The following OXCT1 variants were observed in gnomAD, a reference collection of about 807,000 sequenced individuals.
OXCT1 encodes the protein succinyl-CoA:3-ketoacid coenzyme A transferase 1, mitochondrial.
A neutral mutation model predicts 69.6 loss-of-function variants in OXCT1; 27 were observed. The observed-to-expected ratio is 0.39, with a 90% CI of 0.29 to 0.54. The LOEUF is 0.54. Ranked by LOEUF, OXCT1 falls within the 20% of genes least tolerant of loss-of-function variation. The pLI is 0.72. For missense variants in OXCT1, 437 were observed against 650.2 expected, an observed-to-expected ratio of 0.67 and a Z score of 3.57; for synonymous variants, 202 against 217.8, an observed-to-expected ratio of 0.93 and a Z score of 0.64.
chr5:41,749,645 G>A (rs763750270), intron 14 of OXCT1, 38 bp from the exon 15 acceptor site: 55 of 1,308,770 alleles, frequency 4.2e-5, no homozygotes, highest in Non-Finnish European at 5.7e-5. Flanking sequence ...AGTAGTTAGG[G>A]AGCAATTTTT....
At chr5:41,754,148 A>G (rs1439259111) in intron 14 of OXCT1, among the ~76,000 whole-genome samples, 1 of 152,166 alleles carries the variant, frequency 6.6e-6, no homozygotes, top group Non-Finnish European at 1.5e-5. Context: ...GAAAAGAAGG[A>G]CTACAAGGGC....
At chr5:41,744,624 T>A (rs941712604) in intron 15 of OXCT1, among the ~76,000 whole-genome samples, 2 of 152,138 alleles carry the variant, frequency 1.3e-5, no homozygotes, top group African/African-American at 4.8e-5. Flanking sequence ...CTCTTATTAT[T>A]TTGAGATACG....
intron 13 of OXCT1, among the ~76,000 whole-genome samples, chr5:41,787,461 T>C (rs1745694729): frequency 6.6e-6 from 1 of 151,894 alleles, no homozygotes; most frequent in South Asian, 2.1e-4. Flanking sequence ...TCAGAGAGCC[T>C]GAGGCAACTA....
intron 13 of OXCT1, among the ~76,000 whole-genome samples, chr5:41,766,869 A>T (rs967224303): frequency 1.5e-4 from 23 of 152,198 alleles, no homozygotes; most frequent in African/African-American, 5.3e-4. Flanking sequence ...GCTATATGCC[A>T]TAGTAGAAAG....
chr5:41,796,584 G>A (rs1475124765), intron 11 of OXCT1, among the ~76,000 whole-genome samples: 1 of 152,128 alleles, frequency 6.6e-6, no homozygotes, highest in Non-Finnish European at 1.5e-5. Context: ...TATGGAGAAA[G>A]AGTAAGCTTA....
intron 3 of OXCT1, among the ~76,000 whole-genome samples, chr5:41,854,428 T>C (rs1374247585): frequency 1.3e-5 from 2 of 152,190 alleles, no homozygotes; most frequent in Non-Finnish European, 2.9e-5. Flanking sequence ...AAAGTCAATG[T>C]AACAAGATAG....
chr5:41,789,438 C>A (rs536509120), intron 13 of OXCT1, among the ~76,000 whole-genome samples: 105 of 152,266 alleles, frequency 6.9e-4, no homozygotes, highest in Non-Finnish European at 1.4e-3. Flanking sequence ...CAGTGCCTGA[C>A]CCTTAATATA....
chr5:41,836,038 G>C (rs533947113), intron 7 of OXCT1, among the ~76,000 whole-genome samples: 1 of 152,334 alleles, frequency 6.6e-6, no homozygotes, highest in South Asian at 2.1e-4. Flanking sequence ...GGAGTTGAGA[G>C]CTTAACACAA....
At chr5:41,804,702 A>G (rs568110776) in intron 9 of OXCT1, among the ~76,000 whole-genome samples, 2 of 152,190 alleles carry the variant, frequency 1.3e-5, no homozygotes, top group South Asian at 4.1e-4. Flanking sequence ...ATGAACAAAA[A>G]TGAGGTAGAG....
chr5:41,797,555 C>T (rs1746238872), intron 11 of OXCT1, among the ~76,000 whole-genome samples: 2 of 152,138 alleles, frequency 1.3e-5, no homozygotes, highest in African/African-American at 4.8e-5. Flanking sequence ...GATTTGTCTC[C>T]TCCAATTTTT....
intron 15 of OXCT1, among the ~76,000 whole-genome samples, chr5:41,743,527 T>C (rs575830779): frequency 2.1e-4 from 32 of 152,384 alleles, no homozygotes; most frequent in African/African-American, 7.7e-4. Flanking sequence ...CCATTGCTTT[T>C]GGTGTTTTAC....
chr5:41,832,055 C>T (rs546619956), intron 7 of OXCT1, among the ~76,000 whole-genome samples: 1 of 152,298 alleles, frequency 6.6e-6, no homozygotes, highest in East Asian at 1.9e-4. Context: ...GATCTGTAAA[C>T]AGAAAAGCAC....
chr5:41,734,956 A>G (rs1742813118), intron 16 of OXCT1, among the ~76,000 whole-genome samples: 1 of 152,212 alleles, frequency 6.6e-6, no homozygotes, highest in Non-Finnish European at 1.5e-5. Flanking sequence ...AACTGTTGGC[A>G]AAGATATGGA....
chr5:41,819,314 C>T (rs10941558), intron 7 of OXCT1, among the ~76,000 whole-genome samples: 150,379 of 151,092 alleles, frequency 1, 74,837 homozygotes, highest in South Asian at 1. Context: ...GGGAGTATCA[C>T]GAACATTCTA....
chr5:41,750,135 GTTTTT>G (rs11291155), intron 14 of OXCT1, among the ~76,000 whole-genome samples: 5 of 73,924 alleles, frequency 6.8e-5, no homozygotes, highest in African/African-American at 2.2e-4. Context: ...GTGTTTTTTG[GTTTTT>G]TTTTTTTTTT....
intron 6 of OXCT1, 48 bp from the exon 7 acceptor site, chr5:41,840,559 T>C (rs2112400289): frequency 8.8e-7 from 1 of 1,137,562 alleles, no homozygotes; most frequent in African/African-American, 1.5e-5. Flanking sequence ...AGACGAAAAA[T>C]AAGCATCTCT....
chr5:41,847,696 T>C (rs1453211245), intron 5 of OXCT1, among the ~76,000 whole-genome samples: 2 of 152,120 alleles, frequency 1.3e-5, no homozygotes, highest in South Asian at 2.1e-4. Context: ...ATTATCTCAA[T>C]AGATGCAGAA....
At chr5:41,767,297 G>A (rs1203152315) in intron 13 of OXCT1, among the ~76,000 whole-genome samples, 1 of 152,008 alleles carries the variant, frequency 6.6e-6, no homozygotes, top group African/African-American at 2.4e-5. Flanking sequence ...TTCTAGGACA[G>A]GTGAATTGAT....
chr5:41,789,481 A>T (rs1367369800), intron 13 of OXCT1, among the ~76,000 whole-genome samples: 4 of 152,356 alleles, frequency 2.6e-5, no homozygotes, highest in Admixed American at 6.5e-5. Flanking sequence ...TGAATTAGCG[A>T]ATTTAATCCT....
Sources: gnomAD v4.1 joint callset for allele counts (sites outside exome capture counted in the v4.1 genomes callset) on GRCh38, gnomAD v4.1.1 for gene constraint, MANE v1.5 for transcripts, NCBI Gene and HGNC (gene_info 2026-07-23, HGNC 2026-07-21) for gene names.